The following VPS8 variants were observed in gnomAD, a reference collection of about 807,000 sequenced individuals.
The protein encoded by VPS8 is VPS8 subunit of CORVET complex.
In VPS8, 129 loss-of-function variants were observed where a neutral mutation model predicts 216.4. The observed-to-expected ratio is 0.60, with a 90% CI of 0.52 to 0.69. The LOEUF (loss-of-function observed/expected upper bound fraction) is 0.69. Among genes scored for constraint, VPS8 ranks in the 30% least tolerant of loss-of-function variants. VPS8 has a pLI of 0.00. For missense variants in VPS8, 1,531 were observed against 1,683.5 expected (o/e 0.91, Z 1.59); for synonymous variants, 571 against 565.4 (o/e 1.01, Z -0.14).
intron 44 of VPS8, among the ~76,000 whole-genome samples, chr3:184,996,711 A>C (rs947708818): frequency 6.6e-6 from 1 of 152,176 alleles, no homozygotes; most frequent in Non-Finnish European, 1.5e-5. Flanking sequence ...TATGGAGAAA[A>C]ATAAAACACA....
At chr3:184,833,037 T>C (rs1215673773) in intron 4 of VPS8, among the ~76,000 whole-genome samples, 2 of 152,112 alleles carry the variant, frequency 1.3e-5, no homozygotes, top group Middle Eastern at 3.2e-3. Context: ...ACCATAATGA[T>C]AGCCAGGGAC....
rs1753145570 is a variant in VPS8 at position 184,999,741 on chromosome 3, C to T, written c.3882C>T (p.Cys1294=). ...CATTCTGCCTACAAAACAAAGAATG[C>T]ACTGTGGAATTTGAGGGCCAAACAA... The part of the protein sequence containing the change: ...YHSFCLQNKE[C]TVEFEGQTRW... Residue 1294 remains cysteine (C), a synonymous_variant, in exon 45 of 48, where the codon TGC becomes TGT. Coordinates refer to ENST00000625842, the MANE Select transcript of VPS8 (RefSeq NM_001009921.3). 1 of 1,613,398 alleles carries T rather than the reference C, an allele frequency of 6.2e-7. No individual in the cohort carries two copies. Among genetic ancestry groups the T allele is most frequent in the African/African-American group, 1.3e-5 (1 of 75,022 alleles).
chr3:184,874,949 T>TA (rs1728978224), intron 21 of VPS8, among the ~76,000 whole-genome samples: 1 of 152,114 alleles, frequency 6.6e-6, no homozygotes, highest in Admixed American at 6.5e-5. Context: ...TATTTCAGTT[T>TA]AAAATGACCT....
chr3:184,828,579 TTAAC>T (rs1274479545), intron 3 of VPS8, among the ~76,000 whole-genome samples: 1 of 152,186 alleles, frequency 6.6e-6, no homozygotes, highest in Non-Finnish European at 1.5e-5. Context: ...ATTCCATTCT[TTAAC>T]TATAACCTTT....
chr3:184,964,886 C>T lies in VPS8; in HGVS notation c.3273+329C>T, dbSNP rs187949060. 1.6e-4 allele frequency among the ~76,000 whole-genome samples: 24 copies of T among 152,270 alleles called. No homozygotes were observed. The East Asian group carries it at 4.4e-3, about 28-fold the overall frequency. ...TACCTTTTGGTTGTTGTGAACAGTG[C>T]TGCTGTGAACATGGGTGTACAAACG... On this transcript the variant is annotated intron_variant, in intron 38 of 47. Transcript: ENST00000625842.
At chr3:184,958,920 A>G (rs1402667258) in intron 37 of VPS8, among the ~76,000 whole-genome samples, 1 of 152,140 alleles carries the variant, frequency 6.6e-6, no homozygotes, top group East Asian at 1.9e-4. Flanking sequence ...TTAGTGTCAT[A>G]TTTGGCCTGA....
chr3:185,011,040 A>G (rs1754944898), intron 45 of VPS8, among the ~76,000 whole-genome samples: 1 of 152,094 alleles, frequency 6.6e-6, no homozygotes, highest in African/African-American at 2.4e-5. Flanking sequence ...ATCATTGGTG[A>G]ACTATGGAAC....
intron 1 of VPS8, among the ~76,000 whole-genome samples, chr3:184,823,144 T>A (rs981758176): frequency 6.6e-6 from 1 of 152,192 alleles, no homozygotes; most frequent in Non-Finnish European, 1.5e-5. Context: ...ATAATGAGCT[T>A]CATTAGATAA....
chr3:185,044,186 G>A (rs539586655), intron 46 of VPS8, among the ~76,000 whole-genome samples: 10 of 152,144 alleles, frequency 6.6e-5, no homozygotes, highest in East Asian at 1.9e-4. Flanking sequence ...GTGAAACTCC[G>A]TCTCAAAAAA....
intron 39 of VPS8, among the ~76,000 whole-genome samples, chr3:184,971,429 C>G (rs1426685524): frequency 2.0e-5 from 3 of 152,140 alleles, no homozygotes; most frequent in Non-Finnish European, 4.4e-5. Context: ...GTGTGATGTG[C>G]TTTATCTGTC....
chr3:184,936,379 A>T, intron 35 of VPS8, 44 bp downstream of exon 35: 1 of 1,462,666 alleles, frequency 6.8e-7, no homozygotes, highest in Admixed American at 2.0e-5. Context: ...TCTAGTGGAA[A>T]GACAATTATT....
intron 45 of VPS8, among the ~76,000 whole-genome samples, chr3:185,004,517 A>G (rs903558353): frequency 2.7e-5 from 2 of 73,662 alleles, no homozygotes; most frequent in Admixed American, 3.5e-4. Context: ...CCGCGGGGAG[A>G]GGGAGAGGGA....
chr3:184,819,657 A>C (rs922750366), intron 1 of VPS8, among the ~76,000 whole-genome samples: 6 of 152,196 alleles, frequency 3.9e-5, no homozygotes, highest in Non-Finnish European at 7.3e-5. Context: ...AGAATGTTGG[A>C]TATGTGACCA....
intron 3 of VPS8, among the ~76,000 whole-genome samples, chr3:184,826,462 A>G (rs565311409): frequency 2.0e-5 from 3 of 152,318 alleles, no homozygotes; most frequent in Non-Finnish European, 4.4e-5. Flanking sequence ...TGGCTACTAT[A>G]TGGCTAGGGG....
At chr3:184,986,410 C>G (rs1751079378) in intron 42 of VPS8, among the ~76,000 whole-genome samples, 2 of 152,094 alleles carry the variant, frequency 1.3e-5, no homozygotes, top group Admixed American at 6.6e-5. Flanking sequence ...GGATTTTATT[C>G]TAAAATCAGT....
intron 39 of VPS8, among the ~76,000 whole-genome samples, chr3:184,967,841 CAA>C (rs11326717): frequency 1.6e-3 from 208 of 133,664 alleles, no homozygotes; most frequent in Non-Finnish European, 1.4e-3. Flanking sequence ...AACTCCATCT[CAA>C]AAAAAAAAAA....
At chr3:184,911,667 T>C (rs1736557460) in intron 25 of VPS8, among the ~76,000 whole-genome samples, 1 of 152,192 alleles carries the variant, frequency 6.6e-6, no homozygotes. Context: ...GTTTTTAGAC[T>C]CTCCCTTTTG....
chr3:185,037,540 A>T (rs1464318264), intron 46 of VPS8, among the ~76,000 whole-genome samples: 1 of 152,132 alleles, frequency 6.6e-6, no homozygotes, highest in Non-Finnish European at 1.5e-5. Context: ...TTTAGCCATA[A>T]TGTATTAAAA....
At chr3:184,912,175 G>C (rs865887128) in intron 25 of VPS8, among the ~76,000 whole-genome samples, 19 of 152,264 alleles carry the variant, frequency 1.2e-4, no homozygotes, top group Non-Finnish European at 1.9e-4. Flanking sequence ...AATTTTGAGC[G>C]TTAGCCTTCT....
Sources: gnomAD v4.1 joint callset for allele counts (sites outside exome capture counted in the v4.1 genomes callset) on GRCh38, gnomAD v4.1.1 for gene constraint, MANE v1.5 for transcripts, NCBI Gene and HGNC (gene_info 2026-07-23, HGNC 2026-07-21) for gene names.